Variants in ASTN1 observed in about 807,000 individuals in gnomAD.
The protein encoded by ASTN1 is astrotactin-1.
ASTN1 carries 41 observed loss-of-function variants against 140.7 expected under a neutral mutation model. The observed-to-expected ratio is 0.29, with a 90% CI of 0.23 to 0.38. The LOEUF is 0.38. Among genes scored for constraint, ASTN1 ranks in the 10% least tolerant of loss-of-function variants. The probability of loss-of-function intolerance (pLI) is 1.00; values close to 1 mark genes in which losing one functional copy is unlikely to be tolerated. For missense variants in ASTN1, 1,479 were observed against 1,678.8 expected (o/e 0.88, Z 2.08); for synonymous variants, 640 against 652.2 (o/e 0.98, Z 0.29).
intron 22 of ASTN1, among the ~76,000 whole-genome samples, chr1:176,866,696 C>G (rs1408355942): frequency 2.0e-5 from 3 of 152,110 alleles, no homozygotes; most frequent in East Asian, 1.9e-4. Context: ...AATTTTGGAG[C>G]CTGTGACTTC....
At chr1:177,129,063 T>C (rs1449130944) in intron 1 of ASTN1, among the ~76,000 whole-genome samples, 1 of 152,068 alleles carries the variant, frequency 6.6e-6, no homozygotes, top group East Asian at 1.9e-4. Context: ...ACCAGACCAA[T>C]AGATGAAGAT....
intron 1 of ASTN1, among the ~76,000 whole-genome samples, chr1:177,135,089 G>T (rs952452035): frequency 1.3e-5 from 2 of 152,036 alleles, no homozygotes; most frequent in Non-Finnish European, 2.9e-5. Context: ...ATGCAGAGGG[G>T]CAGGTGGATG....
chr1:177,092,008 G>A (rs1026969817), intron 1 of ASTN1, among the ~76,000 whole-genome samples: 5 of 151,686 alleles, frequency 3.3e-5, no homozygotes, highest in African/African-American at 7.3e-5. Flanking sequence ...AATTTTCTTG[G>A]TTATGTACCT....
At chr1:177,148,279 G>T (rs191714285) in intron 1 of ASTN1, among the ~76,000 whole-genome samples, 1 of 151,958 alleles carries the variant, frequency 6.6e-6, no homozygotes, top group African/African-American at 2.4e-5. Flanking sequence ...TTAGCCGGGC[G>T]TGGTGGCGGG....
chr1:176,899,410 T>C lies in ASTN1; in HGVS notation c.2672-4580A>G, dbSNP rs1013633557. Among the ~76,000 whole-genome samples, 15 of 152,302 alleles carry C rather than the reference T, an allele frequency of 9.8e-5. No individual in the cohort carries two copies. The East Asian group carries it at 2.9e-3, about 29-fold the overall frequency. On this transcript the variant is annotated intron_variant, in intron 16 of 22. Coordinates refer to ENST00000361833, the MANE Select transcript of ASTN1 (RefSeq NM_004319.3). ...CTGACAGGCCATGAGGTGAATTAGT[T>C]GTTAGGAAGTAAATTGGTACAATTC...
At chr1:177,126,568 C>T (rs574036330) in intron 1 of ASTN1, among the ~76,000 whole-genome samples, 3 of 152,286 alleles carry the variant, frequency 2.0e-5, no homozygotes, top group Admixed American at 2.0e-4. Context: ...AGTGGATAAA[C>T]AGTTGCTCCT....
intron 16 of ASTN1, among the ~76,000 whole-genome samples, chr1:176,920,258 T>C (rs1371352206): frequency 6.6e-6 from 1 of 152,168 alleles, no homozygotes; most frequent in African/African-American, 2.4e-5. Context: ...GGGTGACTGC[T>C]TTCTCAGCCC....
At chr1:176,885,386 C>T (rs559275846) in intron 18 of ASTN1, among the ~76,000 whole-genome samples, 44 of 152,304 alleles carry the variant, frequency 2.9e-4, no homozygotes, top group African/African-American at 7.7e-4. Flanking sequence ...TAATTATCCA[C>T]GTGGTTTCAA....
chr1:177,016,696 G>A (rs1050450213), intron 7 of ASTN1, among the ~76,000 whole-genome samples: 2 of 152,176 alleles, frequency 1.3e-5, no homozygotes, highest in African/African-American at 4.8e-5. Context: ...AACAAGGAAC[G>A]AGGTTAGTCT....
chr1:177,017,665 G>A (rs908567328), intron 7 of ASTN1, among the ~76,000 whole-genome samples: 1 of 152,192 alleles, frequency 6.6e-6, no homozygotes, highest in Non-Finnish European at 1.5e-5. Context: ...ACGGAGAGAC[G>A]TGTCATGGTA....
intron 6 of ASTN1, among the ~76,000 whole-genome samples, chr1:177,024,024 A>C (rs1224394055): frequency 6.6e-6 from 1 of 152,236 alleles, no homozygotes. Context: ...AGCAACTCAG[A>C]GAACAGACAT....
At chr1:176,946,487 T>G in intron 12 of ASTN1, among the ~76,000 whole-genome samples, 1 of 152,190 alleles carries the variant, frequency 6.6e-6, no homozygotes, top group East Asian at 1.9e-4. Context: ...AGAGCTTTTC[T>G]TAAGAACCAT....
rs1301573110 is a variant in ASTN1 at position 176,863,675 on chromosome 1, A to G, written c.*609T>C. ...CCCAAGTGGCCCACTGGGGCCTATA[A>G]TGAAAGCTGGTTTCACCTTTCGGGT... is the stretch of plus-strand genomic sequence containing the variant. On this transcript the variant is annotated 3_prime_UTR_variant, in exon 23 of 23. Coordinates refer to ENST00000361833, the MANE Select transcript of ASTN1 (RefSeq NM_004319.3). 2 of 985,700 alleles carry G rather than the reference A, an allele frequency of 2.0e-6. No homozygotes were observed. The highest frequency in any genetic ancestry group is 1.7e-5 in the African/African-American group (1 of 57,240). The allele number at this position is 985,700 out of a possible 1,614,324, so 61.1% of individuals were successfully genotyped here.
At chr1:177,143,115 CT>C (rs1682550022) in intron 1 of ASTN1, among the ~76,000 whole-genome samples, 1 of 152,210 alleles carries the variant, frequency 6.6e-6, no homozygotes, top group African/African-American at 2.4e-5. Context: ...GCAATCATCT[CT>C]GCACAGAACC....
At chr1:176,886,041 A>T (rs1448377327) in intron 18 of ASTN1, among the ~76,000 whole-genome samples, 1 of 152,214 alleles carries the variant, frequency 6.6e-6, no homozygotes, top group Non-Finnish European at 1.5e-5. Flanking sequence ...TGTTTTGAAA[A>T]AAAAAGCATT....
At chr1:176,936,973 T>C (rs1297969720) in intron 14 of ASTN1, among the ~76,000 whole-genome samples, 1 of 152,098 alleles carries the variant, frequency 6.6e-6, no homozygotes, top group Non-Finnish European at 1.5e-5. Context: ...CAAATAAAAT[T>C]GGGGGCGTAA....
intron 2 of ASTN1, among the ~76,000 whole-genome samples, chr1:177,043,486 C>A (rs1179100967): frequency 6.6e-6 from 1 of 152,162 alleles, no homozygotes; most frequent in Non-Finnish European, 1.5e-5. Context: ...TAATGCTAGT[C>A]GAAAACAGAG....
intron 16 of ASTN1, among the ~76,000 whole-genome samples, chr1:176,914,485 G>C (rs763654650): frequency 5.9e-5 from 9 of 152,200 alleles, no homozygotes; most frequent in Non-Finnish European, 1.0e-4. Flanking sequence ...CTGTGTTATG[G>C]AGGTTTTAAC....
At chr1:176,927,216 G>A (rs1008690407) in intron 16 of ASTN1, among the ~76,000 whole-genome samples, 3 of 152,008 alleles carry the variant, frequency 2.0e-5, no homozygotes, top group African/African-American at 7.2e-5. Context: ...AACTGGCCAG[G>A]ACAAAAAAGG....
Sources: gnomAD v4.1 joint callset for allele counts (sites outside exome capture counted in the v4.1 genomes callset) on GRCh38, gnomAD v4.1.1 for gene constraint, MANE v1.5 for transcripts, NCBI Gene and HGNC (gene_info 2026-07-23, HGNC 2026-07-21) for gene names.